OR2L13: variants seen among roughly 807,000 people sequenced by gnomAD.
OR2L13 encodes olfactory receptor 2L13.
In OR2L13, 14 loss-of-function variants were observed where a neutral mutation model predicts 15.3. That is an observed-to-expected ratio of 0.91 (90% confidence interval 0.60 to 1.43). The LOEUF is 1.43. OR2L13 is among the 40% of genes most tolerant of loss of function. OR2L13 has a pLI of 0.00. For synonymous variants in OR2L13, 152 were observed against 142.9 expected (o/e 1.06, Z -0.45); for missense variants, 367 against 387.9 (o/e 0.95, Z 0.45).
At chr1:248,036,982 A>G in the OR2L13 span, among the ~76,000 whole-genome samples, 1 of 152,176 alleles carries the variant, frequency 6.6e-6, no homozygotes, top group South Asian at 2.1e-4. Flanking sequence ...TACATCGTAT[A>G]CGGGGAGAGC....
the OR2L13 span, among the ~76,000 whole-genome samples, chr1:248,067,508 C>A: frequency 2.0e-5 from 3 of 152,162 alleles, no homozygotes; most frequent in African/African-American, 7.2e-5. Flanking sequence ...AATATGAGGG[C>A]TGGCAGCCAA....
chr1:248,041,564 G>A, the OR2L13 span: 3 of 152,132 alleles, frequency 2.0e-5, no homozygotes, highest in East Asian at 5.8e-4. Context: ...CCATCAGAGT[G>A]AACAGGCAAC....
chr1:248,100,520 G>A (rs2103205500), exon 3 of OR2L13: 2 of 278,608 alleles, frequency 7.2e-6, no homozygotes, highest in Non-Finnish European at 1.4e-5. Flanking sequence ...TAATTACATA[G>A]CATACTATTT....
At chr1:247,975,258 TG>T in the OR2L13 span, 1 of 433,664 alleles carries the variant, frequency 2.3e-6, no homozygotes, top group African/African-American at 2.1e-5. Context: ...AGGGCTGTGA[TG>T]TCCCAGCCAT....
the OR2L13 span, among the ~76,000 whole-genome samples, chr1:247,979,320 C>T: frequency 6.6e-6 from 1 of 152,038 alleles, no homozygotes; most frequent in African/African-American, 2.4e-5. Context: ...CAGGCCACCA[C>T]CCCCCAAAAG....
chr1:247,969,836 A>G, the OR2L13 span, among the ~76,000 whole-genome samples: 1 of 152,202 alleles, frequency 6.6e-6, no homozygotes, highest in Non-Finnish European at 1.5e-5. Flanking sequence ...CCAGGGGGCC[A>G]GAGCCATGGA....
At chr1:248,061,626 T>C in the OR2L13 span, 93 of 1,607,598 alleles carry the variant, frequency 5.8e-5, 1 homozygote, top group Admixed American at 1.0e-3. Flanking sequence ...TGTAGAAACA[T>C]TTTCTACCTA....
chr1:247,945,022 T>G, the OR2L13 span, among the ~76,000 whole-genome samples: 1 of 152,158 alleles, frequency 6.6e-6, no homozygotes, highest in South Asian at 2.1e-4. Context: ...TTCTCTCTGA[T>G]CTTGGTTATT....
upstream of OR2L13, among the ~76,000 whole-genome samples, chr1:248,095,606 G>GTTTTTTTTTTT (rs1476154907): frequency 2.1e-3 from 14 of 6,618 alleles, 1 homozygote; most frequent in Non-Finnish European, 4.4e-3. Context: ...TAAAGCTGCT[G>GTTTTTTTTTTT]CTTTTTTTTT....
chr1:247,962,221 C>G, the OR2L13 span, among the ~76,000 whole-genome samples: 3 of 152,184 alleles, frequency 2.0e-5, no homozygotes, highest in African/African-American at 7.2e-5. Flanking sequence ...TAATTGTAAA[C>G]TGGTGAGACT....
the OR2L13 span, chr1:248,041,043 A>T: frequency 6.6e-6 from 1 of 152,218 alleles, no homozygotes; most frequent in Non-Finnish European, 1.5e-5. Context: ...TCTCATCATT[A>T]GGACTGTATG....
chr1:247,949,525 C>T, the OR2L13 span: 2 of 1,614,050 alleles, frequency 1.2e-6, no homozygotes, highest in Non-Finnish European at 1.7e-6. Context: ...GTTCTCTTTG[C>T]TGTCTACCAC....
At chr1:248,010,778 T>TTTTTTTTTTTG in the OR2L13 span, among the ~76,000 whole-genome samples, 2 of 138,566 alleles carry the variant, frequency 1.4e-5, no homozygotes, top group African/African-American at 2.7e-5. Flanking sequence ...TTTTTTTTTT[T>TTTTTTTTTTTG]TTTTTTTTTG....
chr1:247,971,671 G>C, the OR2L13 span, among the ~76,000 whole-genome samples: 1 of 152,090 alleles, frequency 6.6e-6, no homozygotes, highest in African/African-American at 2.4e-5. Context: ...ATAATAGTGG[G>C]AGACTTTAAC....
At chr1:248,074,908 A>G in the OR2L13 span, among the ~76,000 whole-genome samples, 4 of 152,174 alleles carry the variant, frequency 2.6e-5, no homozygotes, top group African/African-American at 9.7e-5. Context: ...AGTTTAGGGT[A>G]TATGTGCACA....
chr1:248,068,977 A>G, the OR2L13 span, among the ~76,000 whole-genome samples: 1 of 152,242 alleles, frequency 6.6e-6, no homozygotes, highest in African/African-American at 2.4e-5. Flanking sequence ...GACTATGTGA[A>G]AAGACCAAAT....
At chr1:247,963,908 A>G in the OR2L13 span, among the ~76,000 whole-genome samples, 1 of 152,346 alleles carries the variant, frequency 6.6e-6, no homozygotes, top group African/African-American at 2.4e-5. Flanking sequence ...ACACATAGCC[A>G]TAGGCAAGAT....
At chr1:248,060,462 A>G in the OR2L13 span, among the ~76,000 whole-genome samples, 4 of 152,314 alleles carry the variant, frequency 2.6e-5, no homozygotes, top group East Asian at 7.7e-4. Context: ...CTATTTTATT[A>G]TAAGTTACTC....
chr1:247,991,641 A>G, the OR2L13 span, among the ~76,000 whole-genome samples: 6 of 149,094 alleles, frequency 4.0e-5, 1 homozygote, highest in Non-Finnish European at 8.9e-5. Context: ...AACACACTCA[A>G]TGTTTCCCTC....
Sources: allele counts gnomAD v4.1 joint callset (sites outside exome capture counted in the v4.1 genomes callset), GRCh38; gene constraint gnomAD v4.1.1; transcripts MANE v1.5; gene names NCBI Gene and HGNC (gene_info 2026-07-23, HGNC 2026-07-21).